PTDSS2: variants seen among roughly 807,000 people sequenced by gnomAD.
PTDSS2 encodes PSS-2.
A neutral mutation model predicts 64.7 loss-of-function variants in PTDSS2; 41 were observed. The observed-to-expected ratio is 0.63, with a 90% CI of 0.49 to 0.82. The LOEUF (loss-of-function observed/expected upper bound fraction) is 0.82, where lower values mean the gene tolerates loss of function less well. PTDSS2 is among the 40% of genes least tolerant of loss of function. PTDSS2 has a pLI of 0.00. For missense variants in PTDSS2, 485 were observed against 650.0 expected (o/e 0.75, Z 2.76); for synonymous variants, 297 against 277.8 (o/e 1.07, Z -0.69).
rs73387808 is a variant in PTDSS2 at position 476,828 on chromosome 11, C to T, written c.368-2257C>T. On this transcript the variant is annotated intron_variant, in intron 3 of 11. Transcript: ENST00000308020. This position sits in a 1 kb window ranked among gnomAD's most constrained non-coding sequence, Gnocchi z 4.9. ...AGCTCTGCTCTACCTTTCTTCTGTC[C>T]GTTTAGTTTGCTTGGCATAAATTCC... Among the ~76,000 whole-genome samples the T allele has an allele frequency of 0.026, 3,904 of 152,238 alleles. 168 individuals are homozygous for T. The highest frequency in any genetic ancestry group is 0.089 in the African/African-American group (3,692 of 41,522).
At chr11:475,044 C>T (rs994165507) in intron 3 of PTDSS2, among the ~76,000 whole-genome samples, 7 of 111,090 alleles carry the variant, frequency 6.3e-5, no homozygotes, top group South Asian at 2.7e-4. Context: ...TTGTGTGATA[C>T]GGACATTCAC....
Position 465,869 on chromosome 11 carries a change from G to A in PTDSS2, c.284+5581G>A, listed in dbSNP as rs566789848. 1.5e-4 allele frequency among the ~76,000 whole-genome samples: 23 copies of A among 152,214 alleles called. 1 individual carries two copies. The South Asian group carries it at 4.8e-3, about 32-fold the overall frequency. Reference sequence around the variant, plus strand: ...AGGCGAGAGGATTGCTTGAACCCAGGAGGTCTAGGCTGCAGTGAGCTATGG... The same window carrying A: ...AGGCGAGAGGATTGCTTGAACCCAGAAGGTCTAGGCTGCAGTGAGCTATGG... On this transcript the variant is annotated intron_variant, in intron 2 of 11. Transcript: ENST00000308020.
At chr11:484,667 CTG>C (rs1342160238) in intron 4 of PTDSS2, among the ~76,000 whole-genome samples, 9 of 138,466 alleles carry the variant, frequency 6.5e-5, no homozygotes, top group Admixed American at 3.7e-4. Context: ...GCACAGGCGT[CTG>C]TAAACTGCAC....
Position 450,400 on chromosome 11 carries a change from G to T in PTDSS2, c.-56G>T. ...GTGTGCGGCGCGTCCTCTCGCCGGT[G>T]ACCCGGTGTGCGTGGGGTCGAGGCG... On this transcript the variant is annotated 5_prime_UTR_variant, in exon 1 of 12. An upstream open reading frame in the 5' UTR loses its in-frame stop. Coordinates refer to ENST00000308020, the MANE Select transcript of PTDSS2 (RefSeq NM_030783.3). The T allele has an allele frequency of 1.7e-6, 2 of 1,208,452 alleles. No individual in the cohort carries two copies. Among genetic ancestry groups the T allele is most frequent in the South Asian group, 8.4e-5 (2 of 23,904 alleles). 74.9% of individuals were successfully genotyped at this position (1,208,452 alleles called of 1,614,324 possible).
At position 490,673 on chromosome 11, in the gene PTDSS2, C is replaced by T; in HGVS notation, c.*91C>T. 4.4e-6 allele frequency: 6 copies of T among 1,364,884 alleles called. No individual in the cohort carries two copies. Among genetic ancestry groups the T allele is most frequent in the South Asian group, 1.5e-5 (1 of 68,720 alleles). The allele number at this position is 1,364,884 out of a possible 1,614,324, so 84.5% of individuals were successfully genotyped here. ...TCCCACCAGGAGCCACGTGCCCGGC[C>T]TTGCCCTCAAGGTTTTTTGCTTTTC... is the stretch of plus-strand genomic sequence containing the variant. On this transcript the variant is annotated 3_prime_UTR_variant, in exon 12 of 12. Coordinates refer to ENST00000308020, the MANE Select transcript of PTDSS2 (RefSeq NM_030783.3).
At chr11:490,371 A>T (rs1172833465) in intron 11 of PTDSS2, 49 bp from the exon 12 acceptor site, 6 of 1,611,454 alleles carry the variant, frequency 3.7e-6, no homozygotes, top group Admixed American at 1.7e-5. Flanking sequence ...TGGGGCCTGC[A>T]GTGGGGCTGG....
intron 2 of PTDSS2, among the ~76,000 whole-genome samples, chr11:473,607 G>A (rs773948262): frequency 7.2e-5 from 11 of 152,238 alleles, no homozygotes; most frequent in Non-Finnish European, 8.8e-5. Context: ...CTTCCCTGCC[G>A]CGGAGGAGGC....
chr11:478,184 C>T (rs1847900006), intron 3 of PTDSS2, among the ~76,000 whole-genome samples: 1 of 151,920 alleles, frequency 6.6e-6, no homozygotes, highest in Admixed American at 6.6e-5. Flanking sequence ...AACAAAAATT[C>T]ACATTCATCC....
chr11:454,806 T>A (rs1345229374), intron 1 of PTDSS2, among the ~76,000 whole-genome samples: 1 of 152,138 alleles, frequency 6.6e-6, no homozygotes, highest in African/African-American at 2.4e-5. Flanking sequence ...AAAAAAGAAG[T>A]CAAGTTTCAA....
At position 482,927 on chromosome 11, in the gene PTDSS2, T is replaced by G. The variant is rs550333637; in HGVS notation, c.435+3775T>G. On this transcript the variant is annotated intron_variant, in intron 4 of 11. Transcript: ENST00000308020. ...GTTTTTCGTAGATCTCCCTACCGAG[T>G]GGAGAAGGTTCTGTGAGTTTTTCGT... 8.6e-3 allele frequency among the ~76,000 whole-genome samples: 1,143 copies of G among 133,326 alleles called. 23 individuals are homozygous for G. Among genetic ancestry groups the G allele is most frequent in the African/African-American group, 0.034 (1,085 of 32,204 alleles). The allele number at this position is 133,326 out of a possible 152,430, so 87.5% of individuals were successfully genotyped here. A position where few individuals can be genotyped will look rare whatever the true frequency, so the allele number is the denominator to read the frequency against.
upstream of PTDSS2, among the ~76,000 whole-genome samples, chr11:449,530 T>C (rs960306154): frequency 2.6e-5 from 4 of 152,252 alleles, no homozygotes; most frequent in Non-Finnish European, 5.9e-5. Context: ...AGCTGCCACA[T>C]TGCTTTTCAG....
rs1187516501 is a variant in PTDSS2, at chr11:470,157, G to A, written c.285-3738G>A. 2.0e-5 allele frequency among the ~76,000 whole-genome samples: 3 copies of A among 152,182 alleles called. No individual in the cohort carries two copies. The highest frequency in any genetic ancestry group is 4.4e-5 in the Non-Finnish European group (3 of 68,030). On this transcript the variant is annotated intron_variant, in intron 2 of 11. Transcript: ENST00000308020. This position sits in a 1 kb window ranked among gnomAD's most constrained non-coding sequence, Gnocchi z 5.3. ...GACCTCCTTCCTGGGCGTGCAGCAC[G>A]GAGAGGGCAGTGGGAGGAGGACGCT...
chr11:475,236 C>T (rs1382776859), intron 3 of PTDSS2, among the ~76,000 whole-genome samples: 16 of 80,058 alleles, frequency 2.0e-4, no homozygotes, highest in African/African-American at 9.8e-4. Context: ...GACATGTTCA[C>T]GTGTTTGTGT....
chr11:487,511 G>A, intron 6 of PTDSS2, 41 bp downstream of exon 6: 2 of 1,589,600 alleles, frequency 1.3e-6, no homozygotes, highest in Non-Finnish European at 1.7e-6. Context: ...CCCCGGTTCT[G>A]AGGCCTGCCG....
chr11:474,609 C>G (rs1847636068), intron 3 of PTDSS2, among the ~76,000 whole-genome samples: 1 of 152,332 alleles, frequency 6.6e-6, no homozygotes, highest in East Asian at 1.9e-4. Flanking sequence ...TGGGCCAGAG[C>G]ATCCCGCCAA....
rs1002567644 is a variant in PTDSS2, at chr11:462,361, C to A, written c.284+2073C>A. ...CATCCTGTCCTCTCCAGCAGGGAGCCCCTGCGTGTGTTCATTGAGAGGGGC... is the reference window on the plus strand; with the variant it reads ...CATCCTGTCCTCTCCAGCAGGGAGCACCTGCGTGTGTTCATTGAGAGGGGC... On this transcript the variant is annotated intron_variant, in intron 2 of 11. Coordinates refer to ENST00000308020, the MANE Select transcript of PTDSS2 (RefSeq NM_030783.3). The surrounding 1 kb of genome is among the most constrained non-coding windows in gnomAD (Gnocchi z 4.5). Among the ~76,000 whole-genome samples, 1 of 152,106 alleles carries A rather than the reference C, an allele frequency of 6.6e-6. No homozygotes were observed. The highest frequency in any genetic ancestry group is 6.5e-5 in the Admixed American group (1 of 15,276).
intron 4 of PTDSS2, among the ~76,000 whole-genome samples, chr11:486,260 T>C (rs1298911939): frequency 6.6e-6 from 1 of 150,744 alleles, no homozygotes; most frequent in Non-Finnish European, 1.5e-5. Context: ...GGGCGACTCC[T>C]GTGAGGGTGT....
chr11:490,661 C>T lies in PTDSS2; in HGVS notation c.*79C>T. On this transcript the variant is annotated 3_prime_UTR_variant, in exon 12 of 12. Transcript: ENST00000308020. ...CTCCTGTGTGAGTCCCACCAGGAGC[C>T]ACGTGCCCGGCCTTGCCCTCAAGGT... is the stretch of plus-strand genomic sequence containing the variant. 7.1e-7 allele frequency: 1 copy of T among 1,414,110 alleles called. No individual in the cohort carries two copies. Among genetic ancestry groups the T allele is most frequent in the South Asian group, 1.4e-5 (1 of 72,596 alleles). 87.6% of individuals were successfully genotyped at this position (1,414,110 alleles called of 1,614,324 possible).
At position 460,148 on chromosome 11, in the gene PTDSS2, C is replaced by G; in HGVS notation, c.183-39C>G. 2 of 1,543,960 alleles carry G rather than the reference C, an allele frequency of 1.3e-6. No individual in the cohort carries two copies. Among genetic ancestry groups the G allele is most frequent in the Non-Finnish European group, 1.8e-6 (2 of 1,116,704 alleles). On this transcript the variant is annotated intron_variant, in intron 1 of 11. Coordinates refer to ENST00000308020, the MANE Select transcript of PTDSS2 (RefSeq NM_030783.3). This position sits in a 1 kb window ranked among gnomAD's most constrained non-coding sequence, Gnocchi z 5.8. ...TACGTGAGTATTTAGCAATGCTGCC[C>G]AAGCTCTGACACCATGCTTATGCGT... is the stretch of plus-strand genomic sequence containing the variant.
Sources: gnomAD v4.1 joint callset for allele counts (sites outside exome capture counted in the v4.1 genomes callset) on GRCh38, gnomAD v4.1.1 for gene constraint, Gnocchi (gnomAD v3.1) non-coding constraint, MANE v1.5 for transcripts, NCBI Gene and HGNC (gene_info 2026-07-23, HGNC 2026-07-21) for gene names.